The following SCAF4 variants were observed in gnomAD, a reference collection of about 807,000 sequenced individuals.
SCAF4 encodes SR-related and CTD-associated factor 4.
A neutral mutation model predicts 129.8 loss-of-function variants in SCAF4; 25 were observed. That is an observed-to-expected ratio of 0.19 (90% confidence interval 0.14 to 0.27). SCAF4 has a LOEUF of 0.27. Ranked by LOEUF, SCAF4 falls within the 10% of genes least tolerant of loss-of-function variation. The probability of loss-of-function intolerance (pLI) is 1.00; values close to 1 mark genes in which losing one functional copy is unlikely to be tolerated. For missense variants in SCAF4, 1,246 were observed against 1,457.1 expected (o/e 0.86, Z 2.36); for synonymous variants, 551 against 497.7 (o/e 1.11, Z -1.43).
chr21:31,725,648 G>A (rs757468056), intron 1 of SCAF4, among the ~76,000 whole-genome samples: 3 of 152,138 alleles, frequency 2.0e-5, no homozygotes, highest in Non-Finnish European at 2.9e-5. Flanking sequence ...GTCCCTTTCC[G>A]TGGTTTGAGG....
At chr21:31,700,909 C>T (rs746973086) in intron 7 of SCAF4, 86 bp downstream of exon 7, 3 of 1,343,822 alleles carry the variant, frequency 2.2e-6, no homozygotes, top group Non-Finnish European at 3.2e-6. Flanking sequence ...AATGAACAAT[C>T]CACAGAAGGG....
rs535651303 is a variant in SCAF4, at chr21:31,685,503, T to C, written c.2210-19A>G. 8.1e-6 allele frequency: 13 copies of C among 1,613,018 alleles called. No homozygotes were observed. The East Asian group carries it at 2.0e-4, about 25-fold the overall frequency. On this transcript the variant is annotated intron_variant, in intron 17 of 19. Transcript: ENST00000286835. The stretch of plus-strand genomic sequence containing the variant: ...AGAAAACCTAGAATAAGAAAAATAA[T>C]GTCAACTTATGCTGTATCACTCCAT...
intron 19 of SCAF4, among the ~76,000 whole-genome samples, chr21:31,679,258 T>C (rs2049940815): frequency 6.6e-6 from 1 of 152,186 alleles, no homozygotes. Flanking sequence ...AAACATGAAC[T>C]TTTCCCACAT....
At position 31,671,293 on chromosome 21, in the gene SCAF4, G is replaced by T; in HGVS notation, c.*106C>A. 1 of 1,280,558 alleles carries T rather than the reference G, an allele frequency of 7.8e-7. No individual in the cohort carries two copies. Among genetic ancestry groups the T allele is most frequent in the Non-Finnish European group, 1.0e-6 (1 of 954,574 alleles). The allele number at this position is 1,280,558 out of a possible 1,614,324, so 79.3% of individuals were successfully genotyped here. A position where few individuals can be genotyped will look rare whatever the true frequency, so the allele number is the denominator to read the frequency against. On this transcript the variant is annotated 3_prime_UTR_variant, in exon 20 of 20. Coordinates refer to ENST00000286835, the MANE Select transcript of SCAF4 (RefSeq NM_020706.2). ...AATTGCTTACAGTTCCCCACCAGCT[G>T]GCGCGGGGCTGCAGTACAGCGGGAG...
chr21:31,710,587 A>G (rs570473426), intron 1 of SCAF4, among the ~76,000 whole-genome samples: 1 of 152,282 alleles, frequency 6.6e-6, no homozygotes, highest in South Asian at 2.1e-4. Context: ...ACCACAAAAC[A>G]GAAGAACAAC....
intron 1 of SCAF4, among the ~76,000 whole-genome samples, chr21:31,709,729 A>G (rs2050754865): frequency 1.3e-5 from 2 of 152,170 alleles, no homozygotes; most frequent in Admixed American, 1.3e-4. Context: ...ATTATTTGGG[A>G]AGAGAAGAGG....
At chr21:31,687,192 G>C (rs992343955) in intron 16 of SCAF4, among the ~76,000 whole-genome samples, 4 of 152,144 alleles carry the variant, frequency 2.6e-5, no homozygotes, top group African/African-American at 9.7e-5. Flanking sequence ...AACTGAGGAA[G>C]GAAGACAAGA....
chr21:31,720,785 C>T (rs917106698), intron 1 of SCAF4, among the ~76,000 whole-genome samples: 2 of 152,140 alleles, frequency 1.3e-5, no homozygotes, highest in African/African-American at 4.8e-5. Context: ...TTAAACTGTT[C>T]CCACTGGATT....
chr21:31,722,061 C>T (rs1215822243), intron 1 of SCAF4, among the ~76,000 whole-genome samples: 3 of 152,128 alleles, frequency 2.0e-5, no homozygotes, highest in Admixed American at 6.5e-5. Context: ...TAAAATATAT[C>T]GCCCCCAAAA....
intron 10 of SCAF4, among the ~76,000 whole-genome samples, chr21:31,694,564 T>A (rs139007817): frequency 6.6e-6 from 1 of 152,354 alleles, no homozygotes; most frequent in African/African-American, 2.4e-5. Flanking sequence ...TAAACCATTA[T>A]CTAATGCAGT....
At chr21:31,691,996 A>G in intron 13 of SCAF4, 66 bp from the exon 14 acceptor site, 1 of 799,724 alleles carries the variant, frequency 1.3e-6, no homozygotes, top group Admixed American at 2.4e-5. Flanking sequence ...TACAACACCA[A>G]GTAAGCAGTT....
At chr21:31,724,857 T>C (rs936557029) in intron 1 of SCAF4, among the ~76,000 whole-genome samples, 2 of 152,192 alleles carry the variant, frequency 1.3e-5, no homozygotes, top group African/African-American at 4.8e-5. Context: ...TCCTCATGTG[T>C]TCATGTAATT....
Position 31,672,053 on chromosome 21 carries a change from G to A in SCAF4, c.2790C>T (p.Gly930=). 6.2e-7 allele frequency: 1 copy of A among 1,613,246 alleles called. No individual in the cohort carries two copies. The part of the protein sequence containing the change: ...GMPGLGGPGP[G]PGGPEDRDGR... ...CGTCTCTGTCTTCAGGACCCCCTGG[G>A]CCTGGCCCTGGGCCCCCGAGCCCTG... Residue 930 remains glycine (G), a synonymous_variant, in exon 20 of 20, where the codon GGC becomes GGT. Coordinates refer to ENST00000286835, the MANE Select transcript of SCAF4 (RefSeq NM_020706.2).
chr21:31,680,476 C>A (rs989876001), intron 19 of SCAF4, among the ~76,000 whole-genome samples: 1 of 152,040 alleles, frequency 6.6e-6, no homozygotes, highest in Non-Finnish European at 1.5e-5. Context: ...AATTAGAGTA[C>A]CAATTCAAAT....
intron 1 of SCAF4, 153 bp from the exon 2 acceptor site, chr21:31,706,510 T>A: frequency 1.6e-6 from 1 of 608,770 alleles, no homozygotes; most frequent in South Asian, 2.0e-5. Context: ...GGAAGAGCTT[T>A]GGTGGCCAGG....
At chr21:31,707,095 G>A (rs923729217) in intron 1 of SCAF4, among the ~76,000 whole-genome samples, 9 of 152,192 alleles carry the variant, frequency 5.9e-5, no homozygotes, top group Admixed American at 2.6e-4. Context: ...ACAGAGTGTG[G>A]GATGTTGTAT....
chr21:31,701,853 G>C lies in SCAF4; in HGVS notation c.523C>G (p.Pro175Ala), dbSNP rs1306836820. 1 of 1,614,006 alleles carries C rather than the reference G, an allele frequency of 6.2e-7. No individual in the cohort carries two copies. Among genetic ancestry groups the C allele is most frequent in the South Asian group, 1.1e-5 (1 of 91,068 alleles). Reference protein sequence around the residue: ...PPTQATPNSVPAVPQLPSSDA... With the variant: ...PPTQATPNSVAAVPQLPSSDA... The stretch of plus-strand genomic sequence containing the variant: ...GAGCTGGGCAACTGTGGTACAGCTG[G>C]GACGGAGTTTGGAGTGGCTTGTGTG... Residue 175 changes from proline to alanine, a missense_variant, in exon 6 of 20, where the codon CCA (proline) becomes GCA (alanine). Physicochemically the swap from Pro to Ala is conservative, Grantham distance 27. Transcript: ENST00000286835.
In SCAF4 at chr21:31,731,797, G is replaced by A. The variant is rs2051368750; in HGVS notation, c.-105C>T. ...AGCCGGGCCTGGTGGCCGGGGGGAG[G>A]CGACGAGCGGCGGAGTCCGAGGCCC... is the stretch of plus-strand genomic sequence containing the variant. On this transcript the variant is annotated 5_prime_UTR_variant, in exon 1 of 20. Coordinates refer to ENST00000286835, the MANE Select transcript of SCAF4 (RefSeq NM_020706.2). The A allele has an allele frequency of 5.4e-6, 7 of 1,304,030 alleles. No homozygotes were observed. The highest frequency in any genetic ancestry group is 7.0e-6 in the Non-Finnish European group (7 of 993,956). 80.8% of individuals were successfully genotyped at this position (1,304,030 alleles called of 1,614,324 possible). A position where few individuals can be genotyped will look rare whatever the true frequency, so the allele number is the denominator to read the frequency against.
chr21:31,726,560 G>A (rs1419952971), intron 1 of SCAF4, among the ~76,000 whole-genome samples: 1 of 152,176 alleles, frequency 6.6e-6, no homozygotes, highest in African/African-American at 2.4e-5. Flanking sequence ...AGCTACTTGG[G>A]AGGCTGAGAC....
Sources: gnomAD v4.1 joint callset for allele counts (sites outside exome capture counted in the v4.1 genomes callset) on GRCh38, gnomAD v4.1.1 for gene constraint, MANE v1.5 for transcripts, NCBI Gene and HGNC (gene_info 2026-07-23, HGNC 2026-07-21) for gene names.